PDE4B: variants seen among roughly 807,000 people sequenced by gnomAD.
PDE4B encodes the protein phosphodiesterase 4B, also known as 3',5'-cyclic-AMP phosphodiesterase 4B.
PDE4B carries 20 observed loss-of-function variants against 82.2 expected under a neutral mutation model. That is an observed-to-expected ratio of 0.24 (90% CI 0.17 to 0.35). PDE4B has a LOEUF of 0.35. PDE4B is among the 10% of genes least tolerant of loss of function. PDE4B has a pLI of 1.00. For missense variants in PDE4B, 655 were observed against 907.2 expected, an observed-to-expected ratio of 0.72 and a Z score of 3.57; for synonymous variants, 320 against 318.9, an observed-to-expected ratio of 1.00 and a Z score of -0.04.
rs541477279 is a variant in PDE4B at position 66,247,457 on chromosome 1, A to C, written c.282-3A>C. ...GACCAGAGTTTCCCACTTTCTCTTTAAGCTTTGATGTGGAAAATGGCCCTT... is the reference window on the plus strand; with the variant it reads ...GACCAGAGTTTCCCACTTTCTCTTTCAGCTTTGATGTGGAAAATGGCCCTT... On this transcript the variant is annotated splice_polypyrimidine_tract_variant and splice_region_variant and intron_variant, in intron 3 of 16. Transcript: ENST00000341517. 2 of 1,556,318 alleles carry C rather than the reference A, an allele frequency of 1.3e-6. No homozygotes were observed. The highest frequency in any genetic ancestry group is 2.8e-5 in the African/African-American group (2 of 72,622).
intron 3 of PDE4B, among the ~76,000 whole-genome samples, chr1:66,207,968 A>T (rs1013887260): frequency 2.6e-4 from 40 of 152,306 alleles, no homozygotes; most frequent in African/African-American, 9.4e-4. Context: ...CCCAGGTGCT[A>T]AAATGTGACT....
chr1:66,204,838 G>A (rs532447782), intron 3 of PDE4B, among the ~76,000 whole-genome samples: 127 of 152,324 alleles, frequency 8.3e-4, no homozygotes, highest in African/African-American at 2.9e-3. Context: ...CGCTCACGGT[G>A]TGCTGCACCC....
chr1:65,934,066 G>C (rs918977922), intron 3 of PDE4B, among the ~76,000 whole-genome samples: 7 of 152,084 alleles, frequency 4.6e-5, no homozygotes, highest in African/African-American at 1.7e-4. Context: ...TAGACTAATA[G>C]ATATTTTATG....
At chr1:66,207,788 A>G (rs983198690) in intron 3 of PDE4B, among the ~76,000 whole-genome samples, 5 of 152,186 alleles carry the variant, frequency 3.3e-5, no homozygotes, top group African/African-American at 1.2e-4. Context: ...GAAATTATAT[A>G]ATTATTCCTC....
At chr1:66,225,859 G>A (rs1033058647) in intron 3 of PDE4B, among the ~76,000 whole-genome samples, 3 of 152,140 alleles carry the variant, frequency 2.0e-5, no homozygotes, top group African/African-American at 7.2e-5. Context: ...ATTCCCCCTT[G>A]GGAGAAGTAA....
chr1:66,013,678 T>TA (rs913342894), intron 3 of PDE4B, among the ~76,000 whole-genome samples: 26 of 150,200 alleles, frequency 1.7e-4, no homozygotes, highest in South Asian at 4.2e-4. Flanking sequence ...CACCACTTTT[T>TA]AAAAAAAAAA....
chr1:66,099,133 A>G (rs1452119039), intron 3 of PDE4B, among the ~76,000 whole-genome samples: 1 of 152,072 alleles, frequency 6.6e-6, no homozygotes, highest in Non-Finnish European at 1.5e-5. Flanking sequence ...TCACCTAGGT[A>G]TGGCCCCAGT....
At chr1:65,861,844 C>T (rs1056160996) in intron 1 of PDE4B, among the ~76,000 whole-genome samples, 2 of 152,066 alleles carry the variant, frequency 1.3e-5, no homozygotes, top group Non-Finnish European at 2.9e-5. Context: ...ATTTGGCTCT[C>T]TGCTTGCCTA....
chr1:65,893,693 A>ATATGTTTATATATATG (rs1646877694), intron 1 of PDE4B, among the ~76,000 whole-genome samples: 1 of 152,130 alleles, frequency 6.6e-6, no homozygotes, highest in Non-Finnish European at 1.5e-5. Context: ...ACATGCACAC[A>ATATGTTTATATATATG]TGTTTATAAC....
intron 3 of PDE4B, among the ~76,000 whole-genome samples, chr1:66,113,231 G>T (rs576691146): frequency 6.6e-6 from 1 of 152,120 alleles, no homozygotes; most frequent in Non-Finnish European, 1.5e-5. Context: ...TGCTTTATTT[G>T]CATTTGGTAT....
intron 8 of PDE4B, among the ~76,000 whole-genome samples, chr1:66,349,139 G>A (rs921525096): frequency 1.3e-5 from 2 of 152,106 alleles, no homozygotes; most frequent in African/African-American, 4.8e-5. Flanking sequence ...TTATAGAGCA[G>A]CTATATTCAA....
Position 65,940,831 on chromosome 1 carries a change from C to T in PDE4B, c.281+21996C>T, listed in dbSNP as rs150385180. On this transcript the variant is annotated intron_variant, in intron 3 of 16. Transcript: ENST00000341517. ...TAGGTGTATGAATCTGGGTTTCAGA[C>T]GAGAGAGTGAAATTTCAGATGAGAG... 8.0e-3 allele frequency among the ~76,000 whole-genome samples: 1,214 copies of T among 151,792 alleles called. 15 individuals are homozygous for T. Among genetic ancestry groups the T allele is most frequent in the African/African-American group, 0.026 (1,092 of 41,408 alleles).
chr1:66,123,572 C>A (rs1645756824), intron 3 of PDE4B, among the ~76,000 whole-genome samples: 1 of 145,256 alleles, frequency 6.9e-6, no homozygotes, highest in South Asian at 2.4e-4. Context: ...CTCTCTTATT[C>A]TTTTATTTGT....
chr1:65,899,033 G>A (rs778120848), intron 1 of PDE4B, among the ~76,000 whole-genome samples: 5 of 152,034 alleles, frequency 3.3e-5, no homozygotes, highest in African/African-American at 4.8e-5. Context: ...CAGAAAACCT[G>A]CAGAGTGGGA....
chr1:66,365,545 A>G lies in PDE4B; in HGVS notation c.1285-122A>G, dbSNP rs1570785699. On this transcript the variant is annotated intron_variant, in intron 12 of 16. Coordinates refer to ENST00000341517, the MANE Select transcript of PDE4B (RefSeq NM_002600.4). The stretch of plus-strand genomic sequence containing the variant: ...CATTTACTTAAATTAGTATATTGAG[A>G]TATTACATAAATCAACAATCCCTCT... The G allele has an allele frequency of 4.2e-5, 24 of 564,992 alleles. 2 individuals are homozygous for G. In the South Asian group the frequency reaches 6.3e-4, roughly 15 times the overall value. The allele number at this position is 564,992 out of a possible 1,614,324, so 35.0% of individuals were successfully genotyped here.
chr1:66,107,855 G>A (rs1206153867), intron 3 of PDE4B, among the ~76,000 whole-genome samples: 1 of 151,854 alleles, frequency 6.6e-6, no homozygotes. Flanking sequence ...CCTTATTGAT[G>A]CCAAGTATAT....
chr1:66,172,134 T>C (rs1646849183), intron 3 of PDE4B, among the ~76,000 whole-genome samples: 1 of 152,160 alleles, frequency 6.6e-6, no homozygotes. Flanking sequence ...ACGGTGTTTA[T>C]TATTCCTGTC....
chr1:66,019,792 C>T (rs1266956784), intron 3 of PDE4B, among the ~76,000 whole-genome samples: 1 of 152,182 alleles, frequency 6.6e-6, no homozygotes, highest in African/African-American at 2.4e-5. Context: ...TTTAATCACA[C>T]TTTATAGTGC....
chr1:65,903,994 A>C (rs781083983), intron 1 of PDE4B, among the ~76,000 whole-genome samples: 8 of 152,194 alleles, frequency 5.3e-5, no homozygotes, highest in Non-Finnish European at 8.8e-5. Context: ...TGAAGTCTGT[A>C]ATGATGTAGT....
Sources: allele counts gnomAD v4.1 joint callset (sites outside exome capture counted in the v4.1 genomes callset), GRCh38; gene constraint gnomAD v4.1.1; transcripts MANE v1.5; gene names NCBI Gene and HGNC (gene_info 2026-07-23, HGNC 2026-07-21).